OPCML: variants seen among roughly 807,000 people sequenced by gnomAD.
OPCML encodes the protein opioid binding protein/cell adhesion molecule like.
In OPCML, 13 loss-of-function variants were observed where a neutral mutation model predicts 37.8. The observed-to-expected ratio is 0.34, with a 90% CI of 0.22 to 0.55. The LOEUF is 0.55. OPCML is among the 20% of genes least tolerant of loss of function. The pLI, the probability that OPCML is intolerant of heterozygous loss-of-function variation, is 0.91. For missense variants in OPCML, 341 were observed against 435.6 expected, an observed-to-expected ratio of 0.78 and a Z score of 1.93; for synonymous variants, 176 against 168.8, an observed-to-expected ratio of 1.04 and a Z score of -0.33.
chr11:132,460,311 C>A (rs2096096862), intron 4 of OPCML, among the ~76,000 whole-genome samples: 1 of 152,150 alleles, frequency 6.6e-6, no homozygotes, highest in African/African-American at 2.4e-5. Flanking sequence ...CAAGGCTCCA[C>A]CATGTGAAAC....
intron 1 of OPCML, among the ~76,000 whole-genome samples, chr11:133,194,607 C>T (rs1938461668): frequency 6.6e-6 from 1 of 152,170 alleles, no homozygotes; most frequent in Non-Finnish European, 1.5e-5. Flanking sequence ...CACAACTACC[C>T]CCTGATACCA....
intron 4 of OPCML, among the ~76,000 whole-genome samples, chr11:132,494,107 C>G (rs1276097904): frequency 6.6e-6 from 1 of 152,174 alleles, no homozygotes; most frequent in Non-Finnish European, 1.5e-5. Context: ...TTATGGTCAC[C>G]TTCGACCCCA....
At chr11:133,520,671 G>A (rs534646348) in intron 1 of OPCML, among the ~76,000 whole-genome samples, 12 of 152,262 alleles carry the variant, frequency 7.9e-5, no homozygotes, top group Admixed American at 5.2e-4. Context: ...CACCATTCCC[G>A]GAAGTTCTAC....
chr11:133,344,889 C>A (rs1943960088), intron 1 of OPCML, among the ~76,000 whole-genome samples: 1 of 152,146 alleles, frequency 6.6e-6, no homozygotes, highest in African/African-American at 2.4e-5. Flanking sequence ...AATTGGGACA[C>A]CTCTTAGGAG....
chr11:133,276,723 T>G (rs1942004799), intron 1 of OPCML, among the ~76,000 whole-genome samples: 1 of 152,196 alleles, frequency 6.6e-6, no homozygotes, highest in African/African-American at 2.4e-5. Context: ...GTCATCTTCT[T>G]CTTGAAATGC....
intron 3 of OPCML, among the ~76,000 whole-genome samples, chr11:132,639,597 A>G (rs1265825558): frequency 1.3e-5 from 2 of 152,338 alleles, no homozygotes; most frequent in East Asian, 3.9e-4. Flanking sequence ...GGCACTTTAC[A>G]TAATCCTCAT....
chr11:132,803,264 A>G (rs1205347532), intron 2 of OPCML, among the ~76,000 whole-genome samples: 1 of 152,226 alleles, frequency 6.6e-6, no homozygotes, highest in Non-Finnish European at 1.5e-5. Flanking sequence ...CTCCTTGAAG[A>G]AAATCAATGC....
intron 1 of OPCML, among the ~76,000 whole-genome samples, chr11:133,078,850 C>T (rs973502275): frequency 6.6e-6 from 1 of 152,174 alleles, no homozygotes; most frequent in African/African-American, 2.4e-5. Flanking sequence ...CCCCAACTAC[C>T]ACCTTCATAC....
At chr11:132,735,546 G>T (rs553662579) in intron 2 of OPCML, among the ~76,000 whole-genome samples, 1 of 152,042 alleles carries the variant, frequency 6.6e-6, no homozygotes, top group East Asian at 1.9e-4. Flanking sequence ...GAGTGCAGTG[G>T]TGCAATCTTG....
chr11:133,276,826 C>A (rs75860223), intron 1 of OPCML, among the ~76,000 whole-genome samples: 1 of 152,098 alleles, frequency 6.6e-6, no homozygotes, highest in African/African-American at 2.4e-5. Flanking sequence ...CCTTCCCCAA[C>A]GACTTTGCCC....
intron 4 of OPCML, among the ~76,000 whole-genome samples, chr11:132,520,720 ATATAAAGTTGTATT>A (rs2096291223): frequency 7.2e-6 from 1 of 138,468 alleles, no homozygotes; most frequent in Non-Finnish European, 1.6e-5. Context: ...ATAGTATTAT[ATATAAAGTTGTATT>A]TATAAAGTTG....
At chr11:132,441,158 CTTTTTTGTTTTTT>C (rs2096031618) in intron 4 of OPCML, among the ~76,000 whole-genome samples, 1 of 108,058 alleles carries the variant, frequency 9.3e-6, no homozygotes, top group African/African-American at 4.4e-5. Flanking sequence ...TCACCAAGGA[CTTTTTTGTTTTTT>C]TTTTTTTTTT....
At chr11:133,218,246 A>G (rs1041055425) in intron 1 of OPCML, among the ~76,000 whole-genome samples, 3 of 152,154 alleles carry the variant, frequency 2.0e-5, no homozygotes, top group South Asian at 4.1e-4. Context: ...CTAAAAACCA[A>G]TCTAGGAGCA....
rs754191960 is a variant in OPCML at position 132,420,240 on chromosome 11, G to T, written c.970C>A (p.Leu324Ile). The change falls in exon 8 of 8, where the codon CTC becomes ATC. Residue 324 changes from leucine to isoleucine, a missense_variant. By Grantham distance (5) the Leu-to-Ile change is conservative. Transcript: ENST00000524381. ...GCTAAGAGGGTCCCTGATAGCCAGAGACAAGCCAGTGCTCTGGAGGCCGAG... is the reference window on the plus strand; with the variant it reads ...GCTAAGAGGGTCCCTGATAGCCAGATACAAGCCAGTGCTCTGGAGGCCGAG... ...VNSASRALAC[L>I]WLSGTLLAHF... 6.2e-7 allele frequency: 1 copy of T among 1,613,950 alleles called. No homozygotes were observed. The highest frequency in any genetic ancestry group is 2.2e-5 in the East Asian group (1 of 44,872).
chr11:132,919,297 G>A (rs79807505), intron 2 of OPCML, among the ~76,000 whole-genome samples: 268 of 152,296 alleles, frequency 1.8e-3, no homozygotes, highest in African/African-American at 6.3e-3. Context: ...CCTTGGACAA[G>A]CAGCATCAGC....
At chr11:132,602,903 G>A (rs568741775) in intron 3 of OPCML, among the ~76,000 whole-genome samples, 2 of 152,334 alleles carry the variant, frequency 1.3e-5, no homozygotes, top group South Asian at 4.1e-4. Context: ...CTCAGGTCAC[G>A]GACAGTAGTG....
intron 2 of OPCML, among the ~76,000 whole-genome samples, chr11:132,858,249 A>G (rs1942141363): frequency 1.3e-5 from 2 of 152,314 alleles, no homozygotes; most frequent in South Asian, 4.1e-4. Flanking sequence ...CACTACAGTG[A>G]CACCCTGCTC....
intron 3 of OPCML, among the ~76,000 whole-genome samples, chr11:132,635,877 A>T (rs1346884821): frequency 6.6e-6 from 1 of 152,236 alleles, no homozygotes; most frequent in Non-Finnish European, 1.5e-5. Context: ...CAGGAGGTTG[A>T]ACTTCAGGAA....
At chr11:132,669,245 AT>A (rs1400896100) in intron 2 of OPCML, among the ~76,000 whole-genome samples, 1 of 151,878 alleles carries the variant, frequency 6.6e-6, no homozygotes, top group Non-Finnish European at 1.5e-5. Context: ...AGATTGAGGC[AT>A]TCCTGAAGTC....
Sources: gnomAD v4.1 joint callset for allele counts (sites outside exome capture counted in the v4.1 genomes callset) on GRCh38, gnomAD v4.1.1 for gene constraint, MANE v1.5 for transcripts, NCBI Gene and HGNC (gene_info 2026-07-23, HGNC 2026-07-21) for gene names.